The following YIPF7 variants were observed in gnomAD, a reference collection of about 807,000 sequenced individuals.
YIPF7 encodes protein YIPF7.
In YIPF7, 35 loss-of-function variants were observed where a neutral mutation model predicts 27.2. The ratio of observed to expected loss-of-function variants is 1.29; its 90% CI spans 0.98 to 1.70. The LOEUF (loss-of-function observed/expected upper bound fraction) is 1.70. YIPF7 is among the 40% of genes most tolerant of loss of function. The pLI is 0.00. For missense variants in YIPF7, 358 were observed against 303.7 expected, an observed-to-expected ratio of 1.18 and a Z score of -1.33; for synonymous variants, 137 against 110.4, an observed-to-expected ratio of 1.24 and a Z score of -1.51.
rs1713105806 is a variant in YIPF7 at position 44,636,010 on chromosome 4, T to C, written c.192A>G (p.Gly64=). 1 of 1,613,790 alleles carries C rather than the reference T, an allele frequency of 6.2e-7. No individual in the cohort carries two copies. The highest frequency in any genetic ancestry group is 1.3e-5 in the African/African-American group (1 of 74,908). The change falls in exon 3 of 6, where the codon GGA becomes GGG. Residue 64 remains glycine, a synonymous_variant. Coordinates refer to ENST00000415895, the MANE Select transcript of YIPF7 (RefSeq NM_182592.3). ...AGTTGGATGCTGGCTGAAAAAATTG[T>C]CCTGCGTAACCCGATGACATGAGCA... ...SEMLMSSGYA[G]QFFQPASNSD...
chr4:44,642,478 A>G (rs1273588450), intron 2 of YIPF7, among the ~76,000 whole-genome samples: 3 of 152,186 alleles, frequency 2.0e-5, no homozygotes, highest in South Asian at 2.1e-4. Flanking sequence ...TTTCATCTCA[A>G]TAAAAAAAAG....
intron 2 of YIPF7, among the ~76,000 whole-genome samples, chr4:44,658,091 T>C (rs909762226): frequency 6.6e-6 from 1 of 152,136 alleles, no homozygotes; most frequent in Non-Finnish European, 1.5e-5. Context: ...AAAGGTGTTA[T>C]AGACTGAATG....
intron 2 of YIPF7, among the ~76,000 whole-genome samples, chr4:44,656,645 C>A (rs376456984): frequency 7.2e-5 from 11 of 151,960 alleles, no homozygotes; most frequent in African/African-American, 2.7e-4. Context: ...CAGCAAGCAT[C>A]CAAATTTACT....
At chr4:44,654,116 T>A (rs1713820487), upstream of YIPF7, among the ~76,000 whole-genome samples, 1 of 152,094 alleles carries the variant, frequency 6.6e-6, no homozygotes, top group Non-Finnish European at 1.5e-5. Context: ...AGTGCATTAA[T>A]GGACCATTAA....
At chr4:44,646,275 G>T (rs1713522875) in intron 2 of YIPF7, among the ~76,000 whole-genome samples, 1 of 152,200 alleles carries the variant, frequency 6.6e-6, no homozygotes, top group East Asian at 1.9e-4. Flanking sequence ...AATAGGATGA[G>T]TTTGGTGGTA....
intron 2 of YIPF7, among the ~76,000 whole-genome samples, chr4:44,648,855 A>G (rs1038666331): frequency 6.6e-6 from 1 of 152,148 alleles, no homozygotes; most frequent in Non-Finnish European, 1.5e-5. Context: ...ACAGACAGAA[A>G]ATGCCAAAGC....
chr4:44,660,116 A>AAAAAAAAAAAAAAAAAAAC (rs1714005583), intron 2 of YIPF7, among the ~76,000 whole-genome samples: 1 of 139,570 alleles, frequency 7.2e-6, no homozygotes, highest in Non-Finnish European at 1.5e-5. Context: ...TCTGTCTCAA[A>AAAAAAAAAAAAAAAAAAAC]AAAAAAAAAA....
At chr4:44,630,404 T>C (rs1712844858) in intron 3 of YIPF7, among the ~76,000 whole-genome samples, 2 of 152,194 alleles carry the variant, frequency 1.3e-5, no homozygotes. Flanking sequence ...CTATGCCTAA[T>C]GAGAAGAGCA....
upstream of YIPF7, among the ~76,000 whole-genome samples, chr4:44,654,275 T>C (rs1372396016): frequency 6.6e-6 from 1 of 151,632 alleles, no homozygotes; most frequent in Non-Finnish European, 1.5e-5. Context: ...ATATTACATA[T>C]AGTCACAGTG....
intron 2 of YIPF7, among the ~76,000 whole-genome samples, chr4:44,636,906 C>T (rs1194260455): frequency 2.0e-5 from 3 of 152,126 alleles, no homozygotes; most frequent in African/African-American, 7.2e-5. Flanking sequence ...TCCTCTCCTA[C>T]CCCCTCACCC....
intron 4 of YIPF7, 124 bp downstream of exon 4, chr4:44,629,279 C>A (rs867488388): frequency 1.7e-5 from 20 of 1,194,164 alleles, no homozygotes; most frequent in Non-Finnish European, 2.0e-5. Flanking sequence ...TTAAATTATT[C>A]TCTCTCACTT....
At chr4:44,645,092 A>C (rs1713479261) in intron 2 of YIPF7, among the ~76,000 whole-genome samples, 1 of 152,122 alleles carries the variant, frequency 6.6e-6, no homozygotes, top group Non-Finnish European at 1.5e-5. Context: ...TGAGCCAATT[A>C]AACCTCTTTG....
chr4:44,654,396 G>T (rs1162695150), upstream of YIPF7, among the ~76,000 whole-genome samples: 1 of 151,900 alleles, frequency 6.6e-6, no homozygotes. Context: ...AAAGCCGTGT[G>T]TTCTACTCAT....
intron 4 of YIPF7, 74 bp downstream of exon 4, chr4:44,629,329 T>C (rs1428376623): frequency 2.0e-5 from 28 of 1,387,426 alleles, no homozygotes; most frequent in Non-Finnish European, 1.2e-5. Flanking sequence ...TTCTCTTATA[T>C]TTATACAGAT....
chr4:44,649,524 A>T (rs1054491874), intron 2 of YIPF7, among the ~76,000 whole-genome samples: 1 of 151,802 alleles, frequency 6.6e-6, no homozygotes, highest in Non-Finnish European at 1.5e-5. Flanking sequence ...TAATCCAAAC[A>T]CTTTGGGAGG....
intron 2 of YIPF7, among the ~76,000 whole-genome samples, chr4:44,648,704 T>G (rs991362890): frequency 6.6e-6 from 1 of 152,110 alleles, no homozygotes; most frequent in Non-Finnish European, 1.5e-5. Flanking sequence ...ATAAATACTG[T>G]TTATATAGTG....
At chr4:44,646,228 C>T (rs1347067621) in intron 2 of YIPF7, among the ~76,000 whole-genome samples, 2 of 152,184 alleles carry the variant, frequency 1.3e-5, no homozygotes, top group African/African-American at 4.8e-5. Context: ...AGCTTGTAAA[C>T]TCAGGCAATC....
chr4:44,636,118 C>A, intron 2 of YIPF7, 33 bp from the exon 3 acceptor site: 1 of 1,560,196 alleles, frequency 6.4e-7, no homozygotes, highest in Non-Finnish European at 8.7e-7. Context: ...ATTTACATGT[C>A]TAAGAAAAAG....
Position 44,622,535 on chromosome 4 carries a change from C to T in YIPF7, c.650G>A (p.Trp217Ter). 1 of 1,613,840 alleles carries T rather than the reference C, an allele frequency of 6.2e-7. No individual in the cohort carries two copies. Among genetic ancestry groups the T allele is most frequent in the Non-Finnish European group, 8.5e-7 (1 of 1,179,818 alleles). Residue 217 changes from tryptophan (W) to a stop codon, truncating the protein, a stop_gained, in exon 6 of 6, where the codon TGG becomes TAG. Transcript: ENST00000415895. LOFTEE classifies it high-confidence loss of function. ...GIMSSLVIIG[W>*]CSLSASKIFI... ...GATCTTGGAAGCTGAGAGACTACAC[C>T]AGCCAATGATGACCAGGGATGACAT...
Sources: allele counts gnomAD v4.1 joint callset (sites outside exome capture counted in the v4.1 genomes callset), GRCh38; gene constraint gnomAD v4.1.1; transcripts MANE v1.5; gene names NCBI Gene and HGNC (gene_info 2026-07-23, HGNC 2026-07-21).